The following PKHD1 variants were observed in gnomAD, a reference collection of about 807,000 sequenced individuals.
PKHD1 encodes the protein PKHD1 ciliary IPT domain containing fibrocystin/polyductin, also known as fibrocystin.
Under a neutral mutation model 412.0 loss-of-function variants are expected in PKHD1, and 291 were observed. That is an observed-to-expected ratio of 0.71 (90% confidence interval 0.64 to 0.78). The LOEUF (loss-of-function observed/expected upper bound fraction) is 0.78. Ranked by LOEUF, PKHD1 falls within the 30% of genes least tolerant of loss-of-function variation. The pLI is 0.00. For synonymous variants in PKHD1, 1,777 were observed against 1,821.5 expected (o/e 0.98, Z 0.62); for missense variants, 4,825 against 4,950.7 (o/e 0.97, Z 0.76).
chr6:52,061,475 G>A lies in PKHD1; in HGVS notation c.1118+1044C>T, dbSNP rs79423675. Among the ~76,000 whole-genome samples, 1,310 of 152,066 alleles carry A rather than the reference G, an allele frequency of 8.6e-3. 21 individuals are homozygous for A. The highest frequency in any genetic ancestry group is 0.029 in the African/African-American group (1,213 of 41,502). The stretch of plus-strand genomic sequence containing the variant: ...CAAGCCATAGCATCCAGCCTTAACT[G>A]CCACTTTAAAACCATAAACTCATGG... On this transcript the variant is annotated intron_variant, in intron 14 of 66. Coordinates refer to ENST00000371117, the MANE Select transcript of PKHD1 (RefSeq NM_138694.4).
chr6:52,083,452 G>C (rs1395775408), intron 2 of PKHD1, among the ~76,000 whole-genome samples, 197 bp from the exon 3 acceptor site: 1 of 152,174 alleles, frequency 6.6e-6, no homozygotes, highest in Non-Finnish European at 1.5e-5. Flanking sequence ...TTCTAACCAG[G>C]TGCTGCTGGT....
At chr6:51,781,436 T>C (rs1483434627) in intron 53 of PKHD1, among the ~76,000 whole-genome samples, 1 of 152,138 alleles carries the variant, frequency 6.6e-6, no homozygotes, top group Non-Finnish European at 1.5e-5. Context: ...GCCTCTCAAT[T>C]TTTCAATTAA....
At chr6:51,705,614 G>A (rs952712871) in intron 60 of PKHD1, among the ~76,000 whole-genome samples, 1 of 152,010 alleles carries the variant, frequency 6.6e-6, no homozygotes, top group African/African-American at 2.4e-5. Flanking sequence ...TTCCTCTCTG[G>A]AAAATGTCTC....
chr6:51,946,032 A>C (rs889072195), intron 36 of PKHD1, among the ~76,000 whole-genome samples: 1 of 152,208 alleles, frequency 6.6e-6, no homozygotes, highest in Non-Finnish European at 1.5e-5. Context: ...TCCAAAAAGG[A>C]TTTGAAACAG....
chr6:51,938,737 C>A (rs745876473), intron 36 of PKHD1, among the ~76,000 whole-genome samples: 8 of 151,616 alleles, frequency 5.3e-5, no homozygotes, highest in Non-Finnish European at 1.2e-4. Flanking sequence ...GGAGATCAAT[C>A]CCCTGTCCTC....
At position 51,863,250 on chromosome 6, in the gene PKHD1, T is replaced by C. The variant is rs577467362; in HGVS notation, c.7733+4613A>G. On this transcript the variant is annotated intron_variant, in intron 48 of 66. Coordinates refer to ENST00000371117, the MANE Select transcript of PKHD1 (RefSeq NM_138694.4). ...CTGAAAAATAATTTCAAACATGTACTGTATATATGTCTTGACTATTTTATG... is the reference window on the plus strand; with the variant it reads ...CTGAAAAATAATTTCAAACATGTACCGTATATATGTCTTGACTATTTTATG... Among the ~76,000 whole-genome samples, 8 of 123,708 alleles carry C rather than the reference T, an allele frequency of 6.5e-5. No homozygotes were observed. The East Asian group carries it at 5.8e-3, about 89-fold the overall frequency. The allele number at this position is 123,708 out of a possible 152,430, so 81.2% of individuals were successfully genotyped here.
intron 37 of PKHD1, among the ~76,000 whole-genome samples, chr6:51,932,140 T>C (rs917415205): frequency 6.6e-6 from 1 of 152,208 alleles, no homozygotes; most frequent in African/African-American, 2.4e-5. Context: ...TAGAGGCATA[T>C]ACTTTGCTTG....
intron 60 of PKHD1, among the ~76,000 whole-genome samples, chr6:51,705,070 T>C (rs1779857672): frequency 6.6e-6 from 1 of 152,044 alleles, no homozygotes; most frequent in Non-Finnish European, 1.5e-5. Context: ...TTTGTTTGCA[T>C]AGTAGAGTAT....
chr6:51,808,901 T>G (rs1022757963), intron 52 of PKHD1, among the ~76,000 whole-genome samples: 6 of 152,150 alleles, frequency 3.9e-5, no homozygotes, highest in Non-Finnish European at 8.8e-5. Flanking sequence ...CATAGATTAC[T>G]CTCTAGAAAG....
intron 65 of PKHD1, among the ~76,000 whole-genome samples, chr6:51,627,997 T>C (rs181127816): frequency 1.3e-3 from 192 of 152,268 alleles, no homozygotes; most frequent in Admixed American, 4.5e-3. Context: ...ACAAATAAAT[T>C]TGTAATATGG....
chr6:51,862,213 G>C (rs1774307319), intron 48 of PKHD1, among the ~76,000 whole-genome samples: 1 of 152,192 alleles, frequency 6.6e-6, no homozygotes, highest in South Asian at 2.1e-4. Context: ...AGGCATGTGA[G>C]AGTATTTTCA....
intron 61 of PKHD1, among the ~76,000 whole-genome samples, chr6:51,655,372 T>A (rs913062132): frequency 3.3e-5 from 5 of 152,136 alleles, no homozygotes; most frequent in African/African-American, 1.2e-4. Flanking sequence ...TATAATTGAT[T>A]GGCTTTCCTG....
At chr6:51,815,443 A>G (rs1765295962) in intron 52 of PKHD1, among the ~76,000 whole-genome samples, 1 of 152,194 alleles carries the variant, frequency 6.6e-6, no homozygotes, top group Non-Finnish European at 1.5e-5. Flanking sequence ...AAAAATAAAT[A>G]AGCTGAAAGA....
rs759947903 is a variant in PKHD1, at chr6:51,659,858, G to T, written c.10268C>A (p.Ala3423Glu). The stretch of plus-strand genomic sequence containing the variant: ...TACAACTGGATATAACTTCTGAATT[G>T]CCCAAATGGCATCAGCGCTATCAAG... The part of the protein sequence containing the change: ...LILDSADAIW[A>E]IQKLYPVVSV... Residue 3423 changes from alanine (A) to glutamate (E), a missense_variant, in exon 61 of 67, where the codon GCA becomes GAA. Coordinates refer to ENST00000371117, the MANE Select transcript of PKHD1 (RefSeq NM_138694.4). 14 of 1,613,626 alleles carry T rather than the reference G, an allele frequency of 8.7e-6. No homozygotes were observed. The highest frequency in any genetic ancestry group is 1.7e-4 in the Middle Eastern group (1 of 6,058).
In PKHD1 at chr6:51,659,987, C is replaced by T. The variant is rs993317752; in HGVS notation, c.10157-18G>A. ...AAATGTACCTATAAAAGAAAAGAAGCAAAACAAGTGATATATGAATTATAA... is the reference window on the plus strand; with the variant it reads ...AAATGTACCTATAAAAGAAAAGAAGTAAAACAAGTGATATATGAATTATAA... On this transcript the variant is annotated intron_variant, in intron 60 of 66. Coordinates refer to ENST00000371117, the MANE Select transcript of PKHD1 (RefSeq NM_138694.4). The T allele has an allele frequency of 6.9e-6, 10 of 1,455,648 alleles. No homozygotes were observed. Among genetic ancestry groups the T allele is most frequent in the Non-Finnish European group, 8.7e-6 (9 of 1,038,338 alleles). The allele number at this position is 1,455,648 out of a possible 1,614,324, so 90.2% of individuals were successfully genotyped here. A position where few individuals can be genotyped will look rare whatever the true frequency, so the allele number is the denominator to read the frequency against.
chr6:51,710,856 A>G (rs1195368657), intron 60 of PKHD1, among the ~76,000 whole-genome samples: 2 of 152,216 alleles, frequency 1.3e-5, no homozygotes, highest in Non-Finnish European at 2.9e-5. Context: ...CACAGCTAGT[A>G]TGTGCAACAG....
intron 50 of PKHD1, among the ~76,000 whole-genome samples, chr6:51,840,898 T>C (rs809292): frequency 0.4 from 60,525 of 152,030 alleles, 13,081 homozygotes; most frequent in East Asian, 0.72. Context: ...TTCATTTTAG[T>C]ATCTATACAT....
In PKHD1 at chr6:52,046,073, G is replaced by A. The variant is rs1398402696; in HGVS notation, c.2523C>T (p.Tyr841=). 3.1e-6 allele frequency: 5 copies of A among 1,613,754 alleles called. No individual in the cohort carries two copies. Among genetic ancestry groups the A allele is most frequent in the Non-Finnish European group, 4.2e-6 (5 of 1,179,678 alleles). ...AGGTCCACACGTGTTCGTAGCAAGT[G>A]TATAGATCCTCCTTCACAGTGAAGT... ...ASDFTVKEDL[Y]TCYEHVWTLS... The change falls in exon 24 of 67, where the codon TAC becomes TAT. Residue 841 remains tyrosine, a synonymous_variant. Coordinates refer to ENST00000371117, the MANE Select transcript of PKHD1 (RefSeq NM_138694.4).
intron 35 of PKHD1, among the ~76,000 whole-genome samples, chr6:52,002,891 C>T (rs1223081601): frequency 6.6e-6 from 1 of 151,992 alleles, no homozygotes; most frequent in Non-Finnish European, 1.5e-5. Flanking sequence ...TCTCCTTAAA[C>T]AAAAAGTGGG....
Sources: allele counts gnomAD v4.1 joint callset (sites outside exome capture counted in the v4.1 genomes callset), GRCh38; gene constraint gnomAD v4.1.1; transcripts MANE v1.5; gene names NCBI Gene and HGNC (gene_info 2026-07-23, HGNC 2026-07-21).